Variants in MADD observed in about 807,000 individuals in gnomAD.
MADD encodes the protein MAP kinase-activating death domain protein.
MADD carries 109 observed loss-of-function variants against 176.7 expected under a neutral mutation model. The ratio of observed to expected loss-of-function variants is 0.62; its 90% confidence interval spans 0.53 to 0.72. MADD has a LOEUF of 0.72. MADD is among the 30% of genes least tolerant of loss of function. The probability of loss-of-function intolerance (pLI) is 0.00; values close to 1 mark genes in which losing one functional copy is unlikely to be tolerated. For synonymous variants in MADD, 771 were observed against 771.3 expected (o/e 1.00, Z 0.01); for missense variants, 1,914 against 2,045.5 (o/e 0.94, Z 1.24).
In MADD at chr11:47,282,478, T is replaced by C. The variant is rs1168518368; in HGVS notation, c.1567T>C (p.Phe523Leu). The change falls in exon 9 of 33, where the codon TTT (phenylalanine) becomes CTT (leucine). Residue 523 changes from phenylalanine to leucine, a missense_variant. By Grantham distance (22) the Phe-to-Leu change is conservative. Transcript: ENST00000402192. ...CCTCTTTCCTCGGCCTGTGGTAGCT[T>C]TTCAAGCTGGCTCCTTTCTAGCCTC... The C allele has an allele frequency of 2.5e-6, 4 of 1,614,104 alleles. No individual in the cohort carries two copies. In the African/African-American group the frequency reaches 5.3e-5, roughly 22 times the overall value.
At chr11:47,282,031 C>T (rs1281016028) in intron 8 of MADD, among the ~76,000 whole-genome samples, 1 of 151,918 alleles carries the variant, frequency 6.6e-6, no homozygotes, top group Non-Finnish European at 1.5e-5. Context: ...GACGGGGTTT[C>T]ACCATGTTGG....
At chr11:47,294,528 G>A (rs2068757415) in intron 20 of MADD, among the ~76,000 whole-genome samples, 1 of 151,596 alleles carries the variant, frequency 6.6e-6, no homozygotes, top group African/African-American at 2.4e-5. Flanking sequence ...AAGTTAGCTG[G>A]GTGTGGTGGC....
At chr11:47,289,728 TG>T (rs2063621567) in intron 16 of MADD, 138 bp from the exon 18 acceptor site, 2 of 990,242 alleles carry the variant, frequency 2.0e-6, no homozygotes, top group Non-Finnish European at 3.0e-6. Flanking sequence ...TCCAGAGAGG[TG>T]GGGATGTGGT....
chr11:47,283,651 A>G (rs2058657476), intron 10 of MADD, among the ~76,000 whole-genome samples: 1 of 151,828 alleles, frequency 6.6e-6, no homozygotes, highest in Non-Finnish European at 1.5e-5. Flanking sequence ...GGCTCACTGC[A>G]ACCTCCGCCT....
intron 1 of MADD, chr11:47,272,144 C>T (rs1035929991): frequency 3.3e-5 from 5 of 152,104 alleles, no homozygotes; most frequent in African/African-American, 1.2e-4. Context: ...TTGTTATGGG[C>T]CTTGGCTGAC....
chr11:47,327,561 C>G, intron 31 of MADD: 1 of 985,390 alleles, frequency 1.0e-6, no homozygotes, highest in Non-Finnish European at 1.2e-6. Flanking sequence ...CTTCCTTTCT[C>G]CCCTACCCTC....
chr11:47,324,320 A>G (rs894783897), exon 29 of MADD: 10 of 1,614,226 alleles, frequency 6.2e-6, no homozygotes, highest in African/African-American at 2.7e-5. Context: ...GCCGCCCGAC[A>G]GCAAAGCATC....
At chr11:47,293,749 G>A (rs200116973) in intron 19 of MADD, 134 bp from the exon 22 acceptor site, 27 of 619,298 alleles carry the variant, frequency 4.4e-5, no homozygotes, top group South Asian at 3.6e-4. Flanking sequence ...GGTCCTGAGT[G>A]GGGGGTAGTC....
intron 22 of MADD, among the ~76,000 whole-genome samples, chr11:47,297,151 T>C (rs1244362826): frequency 6.6e-6 from 1 of 152,204 alleles, no homozygotes; most frequent in Non-Finnish European, 1.5e-5. Flanking sequence ...GAATGGATGT[T>C]CTCTACAAGA....
At chr11:47,297,042 A>G (rs2139452983) in intron 22 of MADD, among the ~76,000 whole-genome samples, 1 of 152,238 alleles carries the variant, frequency 6.6e-6, no homozygotes, top group East Asian at 1.9e-4. Flanking sequence ...TTAAAGTGGC[A>G]TGAGCCACTG....
chr11:47,286,803 A>G (rs1343028047), intron 15 of MADD, among the ~76,000 whole-genome samples: 1 of 152,196 alleles, frequency 6.6e-6, no homozygotes, highest in African/African-American at 2.4e-5. Flanking sequence ...GTCAGGGTAT[A>G]TGATTAACAT....
chr11:47,303,166 T>A (rs2079298479), intron 22 of MADD, among the ~76,000 whole-genome samples: 1 of 152,102 alleles, frequency 6.6e-6, no homozygotes, highest in African/African-American at 2.4e-5. Context: ...TACTGGCTTG[T>A]AAAGTTTCTG....
intron 15 of MADD, among the ~76,000 whole-genome samples, chr11:47,286,817 G>C (rs1346842080): frequency 6.6e-6 from 1 of 152,206 alleles, no homozygotes; most frequent in Non-Finnish European, 1.5e-5. Context: ...TTAACATAGG[G>C]ATCATCAGCT....
chr11:47,321,720 G>A (rs564577930), intron 27 of MADD, among the ~76,000 whole-genome samples: 12 of 152,274 alleles, frequency 7.9e-5, no homozygotes, highest in African/African-American at 2.6e-4. Flanking sequence ...AGCAGTCAGG[G>A]ATATTTGAGC....
chr11:47,327,198 C>T, intron 31 of MADD: 9 of 1,006,078 alleles, frequency 8.9e-6, no homozygotes, highest in Non-Finnish European at 1.1e-5. Context: ...GTGCGCTAGC[C>T]AGCCTCCCTG....
intron 21 of MADD, 112 bp from the exon 24 acceptor site, chr11:47,295,785 G>C: frequency 1.3e-6 from 2 of 1,524,924 alleles, no homozygotes; most frequent in Non-Finnish European, 1.8e-6. Flanking sequence ...GAGGCTATCT[G>C]ACACACTTTT....
At chr11:47,316,175 A>G (rs926414431) in intron 27 of MADD, among the ~76,000 whole-genome samples, 3 of 151,968 alleles carry the variant, frequency 2.0e-5, no homozygotes, top group South Asian at 2.1e-4. Context: ...ACACACGCGC[A>G]CACACATATA....
At chr11:47,290,647 A>C (rs150883671) in exon 19 of MADD, 1 of 1,613,960 alleles carries the variant, frequency 6.2e-7, no homozygotes, top group Non-Finnish European at 8.5e-7. Context: ...CAGAAAGTGT[A>C]AATACCCCAG....
At chr11:47,290,628 G>T in exon 19 of MADD, 1 of 1,613,648 alleles carries the variant, frequency 6.2e-7, no homozygotes, top group Non-Finnish European at 8.5e-7. Context: ...AAGCGGAAGA[G>T]AAGTCCAACA....
Sources: gnomAD v4.1 joint callset for allele counts (sites outside exome capture counted in the v4.1 genomes callset) on GRCh38, gnomAD v4.1.1 for gene constraint, MANE v1.5 for transcripts, NCBI Gene and HGNC (gene_info 2026-07-23, HGNC 2026-07-21) for gene names.